Variants in DNAH11 observed in about 807,000 individuals in gnomAD.
DNAH11 encodes axonemal beta dynein heavy chain 11.
DNAH11 carries 442 observed loss-of-function variants against 526.0 expected under a neutral mutation model. That is an observed-to-expected ratio of 0.84 (90% CI 0.78 to 0.91). The LOEUF (loss-of-function observed/expected upper bound fraction) is 0.91. DNAH11 is among the 40% of genes least tolerant of loss of function. The pLI, the probability that DNAH11 is intolerant of heterozygous loss-of-function variation, is 0.00. For missense variants in DNAH11, 6,989 were observed against 5,448.7 expected (o/e 1.28, Z -8.90); for synonymous variants, 2,461 against 1,935.9 (o/e 1.27, Z -7.12).
chr7:21,814,785 G>C (rs536205477), intron 63 of DNAH11, among the ~76,000 whole-genome samples: 43 of 152,000 alleles, frequency 2.8e-4, no homozygotes, highest in Non-Finnish European at 4.6e-4. Flanking sequence ...GCGCTTGCCT[G>C]TATATGAAAT....
Position 21,901,180 on chromosome 7 carries a change from A to ACCTTCAGGCTGAAGAGCGAAG in DNAH11, c.13478_13498dup (p.Glu4499_Glu4500insAlaPheArgLeuLysSerGlu). The ACCTTCAGGCTGAAGAGCGAAG allele has an allele frequency of 6.2e-7, 1 of 1,613,988 alleles. No homozygotes were observed. The highest frequency in any genetic ancestry group is 8.5e-7 in the Non-Finnish European group (1 of 1,179,862). Reference sequence around the variant, plus strand: ...ACTGAGAGGCCCCAGCTACATCTGGACCTTCAGGCTGAAGAGCGAAGAGAA... The same window carrying ACCTTCAGGCTGAAGAGCGAAG: ...ACTGAGAGGCCCCAGCTACATCTGGACCTTCAGGCTGAAGAGCGAAGCCTTCAGGCTGAAGAGCGAAGAGAA... On this transcript the variant is annotated inframe_insertion, in exon 82 of 82. Coordinates refer to ENST00000409508, the MANE Select transcript of DNAH11 (RefSeq NM_001277115.2).
chr7:21,673,522 G>A (rs1427326518), intron 30 of DNAH11, among the ~76,000 whole-genome samples: 3 of 152,086 alleles, frequency 2.0e-5, no homozygotes, highest in Non-Finnish European at 4.4e-5. Flanking sequence ...CAGCTAGGAG[G>A]GAAGGGTGAT....
chr7:21,894,959 A>G lies in DNAH11; in HGVS notation c.13009A>G (p.Ser4337Gly), dbSNP rs1784456403. Residue 4337 changes from serine to glycine, a missense_variant, in exon 79 of 82, where the codon AGC becomes GGC. Ser to Gly is a moderately conservative substitution (Grantham distance 56). Coordinates refer to ENST00000409508, the MANE Select transcript of DNAH11 (RefSeq NM_001277115.2). ...LSYDTVPDTW[S>G]KLAYPSTYGL... ...TTATGACACGGTACCAGACACTTGG[A>G]GCAAACTGGCTTATCCTTCTACTTA... The G allele has an allele frequency of 6.2e-7, 1 of 1,613,996 alleles. No individual in the cohort carries two copies. Among genetic ancestry groups the G allele is most frequent in the East Asian group, 2.2e-5 (1 of 44,876 alleles).
rs183576841 is a variant in DNAH11 at position 21,658,726 on chromosome 7, G to C, written c.5095-72G>C. 19 of 1,343,686 alleles carry C rather than the reference G, an allele frequency of 1.4e-5. No individual in the cohort carries two copies. In the African/African-American group the frequency reaches 2.4e-4, roughly 17 times the overall value. The allele number at this position is 1,343,686 out of a possible 1,614,324, so 83.2% of individuals were successfully genotyped here. On this transcript the variant is annotated intron_variant, in intron 29 of 81. Transcript: ENST00000409508. The stretch of plus-strand genomic sequence containing the variant: ...GGGCATTACCCTCTGCGTGGCCTTA[G>C]AGCCAGTAGGAGGATGAAATTATCC...
chr7:21,890,206 C>A (rs192760112), intron 76 of DNAH11, among the ~76,000 whole-genome samples: 27 of 152,292 alleles, frequency 1.8e-4, no homozygotes, highest in African/African-American at 5.3e-4. Context: ...GGCCACCAAC[C>A]CATTAAGTGA....
intron 25 of DNAH11, among the ~76,000 whole-genome samples, chr7:21,622,906 G>A (rs1416070408): frequency 6.6e-6 from 1 of 152,020 alleles, no homozygotes; most frequent in Non-Finnish European, 1.5e-5. Context: ...ACATAGGCAT[G>A]GGCAAGGACT....
At chr7:21,866,078 C>T (rs922809184) in intron 70 of DNAH11, among the ~76,000 whole-genome samples, 3 of 152,120 alleles carry the variant, frequency 2.0e-5, no homozygotes, top group Admixed American at 6.5e-5. Flanking sequence ...CTATCTCATC[C>T]TGTGACTTAG....
intron 74 of DNAH11, among the ~76,000 whole-genome samples, chr7:21,875,314 G>A (rs948520274): frequency 6.6e-6 from 1 of 152,116 alleles, no homozygotes; most frequent in South Asian, 2.1e-4. Flanking sequence ...TATTTAAATA[G>A]GACTTATCTG....
intron 60 of DNAH11, among the ~76,000 whole-genome samples, chr7:21,788,746 C>T (rs1300791584): frequency 6.6e-6 from 1 of 152,162 alleles, no homozygotes; most frequent in East Asian, 1.9e-4. Flanking sequence ...TTATTTTCTG[C>T]CTTAAAGGCC....
chr7:21,595,810 AG>A (rs1192285216), intron 14 of DNAH11, among the ~76,000 whole-genome samples: 1 of 152,072 alleles, frequency 6.6e-6, no homozygotes, highest in African/African-American at 2.4e-5. Context: ...CGAGAACATG[AG>A]TTTAGCTAGA....
At chr7:21,786,984 G>A (rs1459261065) in intron 59 of DNAH11, among the ~76,000 whole-genome samples, 1 of 152,246 alleles carries the variant, frequency 6.6e-6, no homozygotes, top group African/African-American at 2.4e-5. Flanking sequence ...AATGCCAGCA[G>A]CAGGTGGAAG....
rs763870754 is a variant in DNAH11 at position 21,880,823 on chromosome 7, A to G, written c.12317A>G (p.Tyr4106Cys). The G allele has an allele frequency of 3.1e-6, 5 of 1,613,950 alleles. No homozygotes were observed. The highest frequency in any genetic ancestry group is 1.3e-5 in the African/African-American group (1 of 75,050). The change falls in exon 75 of 82, where the codon TAT becomes TGT. Residue 4106 changes from tyrosine to cysteine, a missense_variant. Coordinates refer to ENST00000409508, the MANE Select transcript of DNAH11 (RefSeq NM_001277115.2). The stretch of plus-strand genomic sequence containing the variant: ...GGCCCCCAGGGCTGGAGCCGAAGCT[A>G]TCCTTTTAATCCTGGAGACCTCACC... ...RFGPQGWSRS[Y>C]PFNPGDLTIC...
intron 57 of DNAH11, 38 bp from the exon 58 acceptor site, chr7:21,784,389 A>G (rs1414645052): frequency 1.4e-6 from 2 of 1,478,088 alleles, no homozygotes; most frequent in East Asian, 4.6e-5. Flanking sequence ...CTGTGATAAT[A>G]ATTTATACGG....
At chr7:21,557,439 G>C (rs893605921) in intron 2 of DNAH11, among the ~76,000 whole-genome samples, 1 of 152,074 alleles carries the variant, frequency 6.6e-6, no homozygotes, top group Admixed American at 6.5e-5. Context: ...TAGTGAATTC[G>C]GGTATCTGAA....
chr7:21,728,519 A>G (rs779084684), intron 45 of DNAH11, among the ~76,000 whole-genome samples: 2 of 152,092 alleles, frequency 1.3e-5, no homozygotes, highest in Non-Finnish European at 1.5e-5. Flanking sequence ...TTGGCTTCCC[A>G]AAGTGCTAGG....
chr7:21,859,495 A>T (rs917918379), intron 68 of DNAH11, among the ~76,000 whole-genome samples: 1 of 152,210 alleles, frequency 6.6e-6, no homozygotes, highest in Admixed American at 6.5e-5. Context: ...CATCTGAAAA[A>T]ATCCAAAATC....
In DNAH11 at chr7:21,711,720, C is replaced by G; in HGVS notation, c.6843C>G (p.Thr2281=). 6.2e-7 allele frequency: 1 copy of G among 1,613,462 alleles called. No homozygotes were observed. The highest frequency in any genetic ancestry group is 1.1e-5 in the South Asian group (1 of 91,028). The part of the protein sequence containing the change: ...NTVMDDNKVL[T]LASNERIALT... The stretch of plus-strand genomic sequence containing the variant: ...TGTGCTGCTCACTCCAGGTGCTGAC[C>G]CTCGCCAGCAATGAGCGCATTGCAC... The change falls in exon 42 of 82, where the codon ACC becomes ACG. Residue 2281 remains threonine, a synonymous_variant. Transcript: ENST00000409508.
chr7:21,566,708 A>C (rs1480963486), intron 6 of DNAH11, among the ~76,000 whole-genome samples: 1 of 152,140 alleles, frequency 6.6e-6, no homozygotes, highest in African/African-American at 2.4e-5. Context: ...ATTTTAAAAT[A>C]AGTTTTTTTA....
At chr7:21,832,487 C>T (rs527895879) in intron 65 of DNAH11, among the ~76,000 whole-genome samples, 139 of 152,238 alleles carry the variant, frequency 9.1e-4, no homozygotes, top group African/African-American at 3.2e-3. Flanking sequence ...TATTTTGAGC[C>T]TATGTGTGTC....
Sources: gnomAD v4.1 joint callset for allele counts (sites outside exome capture counted in the v4.1 genomes callset) on GRCh38, gnomAD v4.1.1 for gene constraint, MANE v1.5 for transcripts, NCBI Gene and HGNC (gene_info 2026-07-23, HGNC 2026-07-21) for gene names.